The following RIMS1 variants were observed in gnomAD, a reference collection of about 807,000 sequenced individuals.
RIMS1 encodes regulating synaptic membrane exocytosis 1.
RIMS1 carries 83 observed loss-of-function variants against 214.1 expected under a neutral mutation model. The observed-to-expected ratio is 0.39, with a 90% CI of 0.32 to 0.47. RIMS1 has a LOEUF of 0.47. RIMS1 is among the 20% of genes least tolerant of loss of function. The pLI, the probability that RIMS1 is intolerant of heterozygous loss-of-function variation, is 0.99. For synonymous variants in RIMS1, 793 were observed against 786.8 expected, an observed-to-expected ratio of 1.01 and a Z score of -0.13; for missense variants, 2,050 against 2,161.8, an observed-to-expected ratio of 0.95 and a Z score of 1.03.
chr6:72,358,522 A>G (rs931206194), intron 29 of RIMS1, among the ~76,000 whole-genome samples: 1 of 152,170 alleles, frequency 6.6e-6, no homozygotes, highest in African/African-American at 2.4e-5. Flanking sequence ...GCAAAATATT[A>G]CACTTTCCAG....
rs530617834 is a variant in RIMS1 at position 72,191,454 on chromosome 6, C to G, written c.1678+8305C>G. 3.9e-5 allele frequency among the ~76,000 whole-genome samples: 6 copies of G among 152,346 alleles called. No individual in the cohort carries two copies. In the South Asian group the frequency reaches 1.2e-3, roughly 32 times the overall value. ...ATCAGTAAGTCCAGTGTGTTTGCTACTTCATGCTCACAGGATCCAATCAGC... is the reference window on the plus strand; with the variant it reads ...ATCAGTAAGTCCAGTGTGTTTGCTAGTTCATGCTCACAGGATCCAATCAGC... On this transcript the variant is annotated intron_variant, in intron 6 of 33. Coordinates refer to ENST00000521978, the MANE Select transcript of RIMS1 (RefSeq NM_014989.7).
chr6:72,344,650 G>A (rs890491262), intron 29 of RIMS1, among the ~76,000 whole-genome samples: 4 of 151,642 alleles, frequency 2.6e-5, no homozygotes, highest in African/African-American at 9.7e-5. Flanking sequence ...TTCTCAAGTT[G>A]GCGAAACCAT....
chr6:72,196,371 C>T (rs375945309), intron 6 of RIMS1, among the ~76,000 whole-genome samples: 134 of 126,758 alleles, frequency 1.1e-3, no homozygotes, highest in African/African-American at 3.9e-3. Flanking sequence ...GTCTGTCTGT[C>T]TGTCTGTCTA....
chr6:72,287,487 G>T (rs1198080947), intron 24 of RIMS1, among the ~76,000 whole-genome samples: 1 of 152,174 alleles, frequency 6.6e-6, no homozygotes, highest in East Asian at 1.9e-4. Flanking sequence ...TTAGATGAAG[G>T]AGAGTAGGCA....
chr6:72,193,073 C>A (rs1261015333), intron 6 of RIMS1, among the ~76,000 whole-genome samples: 1 of 152,182 alleles, frequency 6.6e-6, no homozygotes, highest in Admixed American at 6.5e-5. Flanking sequence ...TGTTATAAAT[C>A]ACAGTGAGCA....
intron 2 of RIMS1, among the ~76,000 whole-genome samples, chr6:72,083,079 A>G (rs1329946697): frequency 6.6e-6 from 1 of 152,206 alleles, no homozygotes; most frequent in Non-Finnish European, 1.5e-5. Flanking sequence ...ACCTAAAAGA[A>G]GAAAAGGCAA....
At chr6:72,287,846 C>T (rs1047946565) in intron 24 of RIMS1, among the ~76,000 whole-genome samples, 21 of 152,306 alleles carry the variant, frequency 1.4e-4, no homozygotes, top group African/African-American at 5.1e-4. Context: ...CCCGCCTCAG[C>T]CTCCCATAGT....
intron 2 of RIMS1, among the ~76,000 whole-genome samples, chr6:72,043,596 G>A (rs376644039): frequency 1.3e-5 from 2 of 149,290 alleles, no homozygotes; most frequent in African/African-American, 4.9e-5. Context: ...TTCTGAGTGT[G>A]TTCCTTTGAG....
chr6:72,090,040 G>C (rs1363174026), intron 2 of RIMS1, among the ~76,000 whole-genome samples: 1 of 118,732 alleles, frequency 8.4e-6, no homozygotes, highest in South Asian at 3.4e-4. Context: ...GGAGGGGGGA[G>C]GGATAGCATT....
At chr6:72,122,125 T>A (rs1340698816) in intron 4 of RIMS1, among the ~76,000 whole-genome samples, 1 of 151,718 alleles carries the variant, frequency 6.6e-6, no homozygotes, top group Non-Finnish European at 1.5e-5. Context: ...CTTTTTTTTG[T>A]TGTGTCTCTG....
intron 1 of RIMS1, among the ~76,000 whole-genome samples, chr6:71,889,194 C>T (rs994434499): frequency 6.6e-6 from 1 of 152,144 alleles, no homozygotes; most frequent in Non-Finnish European, 1.5e-5. Context: ...CAAGTAGTGG[C>T]CATCATGCCT....
At chr6:72,197,432 C>T (rs2051172597) in intron 6 of RIMS1, among the ~76,000 whole-genome samples, 1 of 152,102 alleles carries the variant, frequency 6.6e-6, no homozygotes, top group African/African-American at 2.4e-5. Flanking sequence ...AAATGCCACA[C>T]ATGTTGCTCA....
intron 1 of RIMS1, among the ~76,000 whole-genome samples, chr6:71,923,567 C>CT (rs200418479): frequency 3.0e-4 from 45 of 150,950 alleles, no homozygotes; most frequent in Non-Finnish European, 4.3e-4. Flanking sequence ...CTTTTTGTGA[C>CT]TTTTCTTTTT....
intron 4 of RIMS1, among the ~76,000 whole-genome samples, chr6:72,111,202 T>C (rs1015805337): frequency 2.0e-5 from 3 of 152,216 alleles, no homozygotes; most frequent in African/African-American, 4.8e-5. Context: ...TTCTTTATCC[T>C]TGATCATTGT....
At chr6:71,923,780 T>C (rs1487341816) in intron 1 of RIMS1, among the ~76,000 whole-genome samples, 1 of 152,106 alleles carries the variant, frequency 6.6e-6, no homozygotes, top group African/African-American at 2.4e-5. Context: ...ATCAGGCTGG[T>C]CTTGAACTGC....
intron 4 of RIMS1, among the ~76,000 whole-genome samples, chr6:72,108,570 C>T (rs935521957): frequency 2.0e-5 from 3 of 152,070 alleles, no homozygotes; most frequent in African/African-American, 7.2e-5. Flanking sequence ...AAACAAAAGA[C>T]TATCCTCCTG....
In RIMS1 at chr6:72,259,037, C is replaced by G; in HGVS notation, c.2979C>G (p.His993Gln). 1 of 1,612,124 alleles carries G rather than the reference C, an allele frequency of 6.2e-7. No homozygotes were observed. The highest frequency in any genetic ancestry group is 8.5e-7 in the Non-Finnish European group (1 of 1,178,414). The change falls in exon 18 of 34, where the codon CAC becomes CAG. Residue 993 changes from histidine to glutamine, a missense_variant. Physicochemically the swap from His to Gln is conservative, Grantham distance 24. This residue lies in a region of RIMS1 where 889 missense variants were observed against 885.5 expected (regional missense o/e 1.00). Transcript: ENST00000521978. ...PTRRSRSPTR[H>Q]HDASRSPVDH... ...GAAGGTCACGTTCTCCAACCAGACA[C>G]CATGATGCCTCCCGAAGTCCAGTTG...
At chr6:72,348,503 A>T (rs188521758) in intron 29 of RIMS1, among the ~76,000 whole-genome samples, 59 of 152,068 alleles carry the variant, frequency 3.9e-4, no homozygotes, top group African/African-American at 1.3e-3. Context: ...CGATAGATTT[A>T]ACCAGTTAAT....
At chr6:72,202,659 T>C (rs1231378337) in intron 6 of RIMS1, among the ~76,000 whole-genome samples, 2 of 152,180 alleles carry the variant, frequency 1.3e-5, no homozygotes, top group Non-Finnish European at 2.9e-5. Flanking sequence ...TTTGTGTACG[T>C]ACATGATAAA....
Sources: gnomAD v4.1 joint callset for allele counts (sites outside exome capture counted in the v4.1 genomes callset) on GRCh38, gnomAD v4.1.1 for gene constraint, gnomAD v4.1.1 regional missense constraint, MANE v1.5 for transcripts, NCBI Gene and HGNC (gene_info 2026-07-23, HGNC 2026-07-21) for gene names.